Variants in MARF1 observed in about 807,000 individuals in gnomAD.
The protein encoded by MARF1 is limkain-b1.
In MARF1, 24 loss-of-function variants were observed where a neutral mutation model predicts 168.2. The observed-to-expected ratio is 0.14, with a 90% CI of 0.10 to 0.20. The LOEUF (loss-of-function observed/expected upper bound fraction) is 0.20. Ranked by LOEUF, MARF1 falls within the 10% of genes least tolerant of loss-of-function variation. The probability of loss-of-function intolerance (pLI) is 1.00; values close to 1 mark genes in which losing one functional copy is unlikely to be tolerated. For missense variants in MARF1, 1,744 were observed against 2,143.6 expected, an observed-to-expected ratio of 0.81 and a Z score of 3.68; for synonymous variants, 868 against 822.4, an observed-to-expected ratio of 1.06 and a Z score of -0.95.
At chr16:15,629,791 T>G (rs1567579085) in intron 7 of MARF1, among the ~76,000 whole-genome samples, 1 of 152,196 alleles carries the variant, frequency 6.6e-6, no homozygotes, top group Non-Finnish European at 1.5e-5. Flanking sequence ...GTATATGGCA[T>G]AAACAGGCTA....
At chr16:15,604,764 T>C (rs2032859819) in intron 21 of MARF1, among the ~76,000 whole-genome samples, 1 of 152,130 alleles carries the variant, frequency 6.6e-6, no homozygotes, top group Non-Finnish European at 1.5e-5. Context: ...TGTGGGTTGC[T>C]GTGCTCGAAG....
At chr16:15,602,373 G>A (rs1345562722) in intron 22 of MARF1, 170 bp from the exon 23 acceptor site, 8 of 623,028 alleles carry the variant, frequency 1.3e-5, no homozygotes, top group African/African-American at 9.2e-5. Flanking sequence ...CAAAGATGAC[G>A]AAGAAGAAGG....
Position 15,594,467 on chromosome 16 carries a change from C to G in MARF1, c.*2226G>C, listed in dbSNP as rs1483985752. 6.6e-6 allele frequency: 1 copy of G among 152,578 alleles called. No individual in the cohort carries two copies. Among genetic ancestry groups the G allele is most frequent in the African/African-American group, 2.4e-5 (1 of 41,428 alleles). The allele number at this position is 152,578 out of a possible 1,614,324, so 9.5% of individuals were successfully genotyped here. Reference sequence around the variant, plus strand: ...GCACTTGAACCACAACAAAAGTGTTCAAACAAAGTAGACAACTAAGAAAAA... The same window carrying G: ...GCACTTGAACCACAACAAAAGTGTTGAAACAAAGTAGACAACTAAGAAAAA... On this transcript the variant is annotated 3_prime_UTR_variant, in exon 27 of 27. Coordinates refer to ENST00000396368, the MANE Select transcript of MARF1 (RefSeq NM_014647.4).
Position 15,631,518 on chromosome 16 carries a change from G to C in MARF1, c.1234-20C>G, listed in dbSNP as rs188376967. 4.5e-6 allele frequency: 7 copies of C among 1,541,432 alleles called. No homozygotes were observed. The highest frequency in any genetic ancestry group is 9.0e-7 in the Non-Finnish European group (1 of 1,116,972). On this transcript the variant is annotated intron_variant, in intron 5 of 26. Transcript: ENST00000396368. ...GGTTACCTGCATTAATTTATAATAA[G>C]GGTGAATAAGCAGGAGCTGAGGCTA...
At position 15,627,307 on chromosome 16, in the gene MARF1, G is replaced by A. The variant is rs960230934; in HGVS notation, c.1525-1507C>T. Among the ~76,000 whole-genome samples the A allele has an allele frequency of 2.0e-5, 3 of 150,880 alleles. No individual in the cohort carries two copies. In the South Asian group the frequency reaches 6.3e-4, roughly 32 times the overall value. ...GTTCAAGACCAGCCTGGCCAACATG[G>A]TGAAACCTCGTCTACAAAAAACTAG... On this transcript the variant is annotated intron_variant, in intron 7 of 26. Transcript: ENST00000396368.
intron 6 of MARF1, among the ~76,000 whole-genome samples, chr16:15,630,853 G>A (rs1031143289): frequency 6.6e-5 from 10 of 151,478 alleles, no homozygotes; most frequent in South Asian, 2.1e-4. Context: ...GGTCCCGGCC[G>A]GGCGTGGTGG....
chr16:15,624,650 T>G (rs2034708051), intron 10 of MARF1, 119 bp downstream of exon 10: 1 of 912,774 alleles, frequency 1.1e-6, no homozygotes, highest in Non-Finnish European at 1.7e-6. Flanking sequence ...GGCAGAAGAG[T>G]GATGGGAGAC....
In MARF1 at chr16:15,602,215, G is replaced by A; in HGVS notation, c.4414-12C>T. 4.4e-6 allele frequency: 7 copies of A among 1,609,156 alleles called. No individual in the cohort carries two copies. The highest frequency in any genetic ancestry group is 6.0e-6 in the Non-Finnish European group (7 of 1,175,544). ...TCATTAGTGAAAACCTGGTTAAAAA[G>A]AAAACGCAGCATTAGAAATATTAGT... On this transcript the variant is annotated splice_polypyrimidine_tract_variant and intron_variant, in intron 22 of 26. Transcript: ENST00000396368.
At chr16:15,603,445 A>G (rs2032707369) in intron 22 of MARF1, among the ~76,000 whole-genome samples, 2 of 152,024 alleles carry the variant, frequency 1.3e-5, no homozygotes, top group Non-Finnish European at 2.9e-5. Context: ...AGTAGCTGGG[A>G]TTATAGACGT....
In MARF1 at chr16:15,617,419, C is replaced by A; in HGVS notation, c.2837G>T (p.Ser946Ile). The A allele has an allele frequency of 6.2e-7, 1 of 1,613,994 alleles. No homozygotes were observed. Among genetic ancestry groups the A allele is most frequent in the Non-Finnish European group, 8.5e-7 (1 of 1,180,002 alleles). Reference sequence around the variant, plus strand: ...GTGTGACTGGGAAGACCCCAAGGGGCTCTGGCGGGCCTGACTGCTGGGTAG... The same window carrying A: ...GTGTGACTGGGAAGACCCCAAGGGGATCTGGCGGGCCTGACTGCTGGGTAG... Reference protein sequence around the residue: ...CLLPSSQARQSPLGSSQSHDG... With the variant: ...CLLPSSQARQIPLGSSQSHDG... Residue 946 changes from serine (S) to isoleucine (I), a missense_variant, in exon 14 of 27, where the codon AGC (serine) becomes ATC (isoleucine). This residue lies in a region of MARF1 where 543 missense variants were observed against 742.1 expected (regional missense o/e 0.73). Coordinates refer to ENST00000396368, the MANE Select transcript of MARF1 (RefSeq NM_014647.4).
intron 25 of MARF1, 127 bp from the exon 26 acceptor site, chr16:15,599,151 T>C: frequency 1.9e-6 from 1 of 525,526 alleles, no homozygotes; most frequent in South Asian, 2.7e-5. Context: ...GTATTTAAGG[T>C]ATTAAAAAAA....
At chr16:15,612,085 G>A (rs2033614547) in intron 17 of MARF1, among the ~76,000 whole-genome samples, 1 of 152,226 alleles carries the variant, frequency 6.6e-6, no homozygotes, top group South Asian at 2.1e-4. Context: ...CGTTTTTAGT[G>A]AGTGGGAAGC....
rs62036917 is a variant in MARF1, at chr16:15,617,478, G to A, written c.2778C>T (p.Ile926=). 0.066 allele frequency: 105,853 copies of A among 1,613,702 alleles called. 3,910 individuals carry two copies. Among genetic ancestry groups the A allele is most frequent in the Non-Finnish European group, 0.074 (87,559 of 1,179,902 alleles). The change falls in exon 14 of 27, where the codon ATC becomes ATT. Residue 926 remains isoleucine (I), a synonymous_variant. Transcript: ENST00000396368. ...CCAGCCGTCCGTTTCCTTGTTCACG[G>A]ATTGCGACCGTGTCTGTTAATTTAT... The part of the protein sequence containing the change: ...DLYKLTDTVA[I]REQGNGRLVC...
rs148373026 is a variant in MARF1 at position 15,631,284 on chromosome 16, C to T, written c.1351+97G>A. On this transcript the variant is annotated intron_variant, in intron 6 of 26. Coordinates refer to ENST00000396368, the MANE Select transcript of MARF1 (RefSeq NM_014647.4). ...AAACATGTCTCATGTACTTCAGCCTCTTTGGGGATACATTTTACTTTCACA... is the reference window on the plus strand; with the variant it reads ...AAACATGTCTCATGTACTTCAGCCTTTTTGGGGATACATTTTACTTTCACA... The T allele has an allele frequency of 1.7e-3, 1,388 of 834,836 alleles. 2 individuals carry two copies. Among genetic ancestry groups the T allele is most frequent in the Non-Finnish European group, 2.3e-3 (1,159 of 496,774 alleles). 51.7% of individuals were successfully genotyped at this position (834,836 alleles called of 1,614,324 possible). A position where few individuals can be genotyped will look rare whatever the true frequency, so the allele number is the denominator to read the frequency against.
intron 20 of MARF1, among the ~76,000 whole-genome samples, chr16:15,609,284 C>A (rs1567542153): frequency 6.6e-6 from 1 of 152,010 alleles, no homozygotes; most frequent in Non-Finnish European, 1.5e-5. Context: ...CCTACTGAAT[C>A]TTTTTTTCAA....
chr16:15,600,927 A>G (rs963561442), intron 23 of MARF1: 1 of 699,836 alleles, frequency 1.4e-6, no homozygotes, highest in African/African-American at 1.8e-5. Flanking sequence ...CATGAGACAC[A>G]GTTTCAGAAA....
intron 16 of MARF1, among the ~76,000 whole-genome samples, chr16:15,613,661 CAATAAATA>C (rs59529278): frequency 1.6e-5 from 2 of 126,648 alleles, no homozygotes; most frequent in Non-Finnish European, 3.2e-5. Flanking sequence ...GATTCCGTCT[CAATAAATA>C]AATAAATAAA....
intron 7 of MARF1, among the ~76,000 whole-genome samples, chr16:15,626,866 G>A (rs1318833709): frequency 6.6e-6 from 1 of 151,698 alleles, no homozygotes; most frequent in East Asian, 1.9e-4. Context: ...CAGAGGCTGA[G>A]GCAGAATAAT....
chr16:15,608,675 C>A (rs776294116), intron 20 of MARF1, 157 bp from the exon 21 acceptor site: 33 of 613,170 alleles, frequency 5.4e-5, no homozygotes, highest in Non-Finnish European at 8.6e-5. Flanking sequence ...TTCAGAAGAT[C>A]GGTTGCATAA....
Sources: allele counts gnomAD v4.1 joint callset (sites outside exome capture counted in the v4.1 genomes callset), GRCh38; gene constraint gnomAD v4.1.1; regional missense constraint gnomAD v4.1.1; transcripts MANE v1.5; gene names NCBI Gene and HGNC (gene_info 2026-07-23, HGNC 2026-07-21).